PCDH15: variants seen among roughly 807,000 people sequenced by gnomAD.
PCDH15 encodes protocadherin-15.
In PCDH15, 129 loss-of-function variants were observed where a neutral mutation model predicts 178.5. That is an observed-to-expected ratio of 0.72 (90% CI 0.63 to 0.84). The LOEUF is 0.84. PCDH15 is among the 40% of genes least tolerant of loss of function. PCDH15 has a pLI of 0.00. For missense variants in PCDH15, 2,230 were observed against 2,099.9 expected (o/e 1.06, Z -1.21); for synonymous variants, 800 against 732.0 (o/e 1.09, Z -1.50).
In PCDH15 at chr10:53,988,146, T is replaced by C. The variant is rs138155799; in HGVS notation, c.2868+7503A>G. ...AAGCAATCAAAGCAGCTGCGGCAAC[T>C]CAATACCTATCATCTAGGGTCCTTC... On this transcript the variant is annotated intron_variant, in intron 21 of 37. Transcript: ENST00000644397. 6.5e-3 allele frequency among the ~76,000 whole-genome samples: 994 copies of C among 152,254 alleles called. 2 individuals are homozygous for C. The highest frequency in any genetic ancestry group is 9.5e-3 in the Non-Finnish European group (645 of 68,012).
rs961962762 is a variant in PCDH15, at chr10:53,806,732, G to C, written c.5070C>G (p.Asn1690Lys). 1 of 1,613,794 alleles carries C rather than the reference G, an allele frequency of 6.2e-7. No individual in the cohort carries two copies. The highest frequency in any genetic ancestry group is 1.1e-5 in the South Asian group (1 of 91,074). ...TDNTAVKPLRNRLKSTVEQES... is the reference protein window; with the variant it reads ...TDNTAVKPLRKRLKSTVEQES... ...CCTGTTCAACTGTGCTTTTCAGCCT[G>C]TTCCTTAGTGGCTTCACCGCTGTAT... The change falls in exon 38 of 38, where the codon AAC becomes AAG. Residue 1690 changes from asparagine to lysine, a missense_variant. Coordinates refer to ENST00000644397, the MANE Select transcript of PCDH15 (RefSeq NM_001384140.1).
intron 1 of PCDH15, among the ~76,000 whole-genome samples, chr10:55,183,726 C>T (rs1218939714): frequency 6.6e-6 from 1 of 151,476 alleles, no homozygotes; most frequent in Non-Finnish European, 1.5e-5. Flanking sequence ...CAGATGAATG[C>T]CTCCAGCAGA....
intron 17 of PCDH15, among the ~76,000 whole-genome samples, chr10:54,068,977 A>G (rs1362394376): frequency 6.6e-6 from 1 of 152,202 alleles, no homozygotes; most frequent in Non-Finnish European, 1.5e-5. Flanking sequence ...AGATCATTTC[A>G]TTTTCCTCGT....
At chr10:55,396,364 A>G (rs1202395941) in intron 2 of PCDH15, among the ~76,000 whole-genome samples, 2 of 152,210 alleles carry the variant, frequency 1.3e-5, no homozygotes, top group Non-Finnish European at 2.9e-5. Context: ...ACTATGTTTC[A>G]TGCTAGCCTG....
At chr10:55,203,213 T>TA (rs2132161093) in intron 1 of PCDH15, among the ~76,000 whole-genome samples, 1 of 152,206 alleles carries the variant, frequency 6.6e-6, no homozygotes, top group Admixed American at 6.5e-5. Flanking sequence ...GTCAGCTCTG[T>TA]AGGGCTTCTC....
chr10:54,647,364 A>T lies in PCDH15; in HGVS notation c.91+16808T>A, dbSNP rs186712343. On this transcript the variant is annotated intron_variant, in intron 2 of 37. Transcript: ENST00000644397. ...AATAGAATGGTGCCAGGGGTTGGAGAGTGGGAGAAGTGAGAATATGCTAAA... is the reference window on the plus strand; with the variant it reads ...AATAGAATGGTGCCAGGGGTTGGAGTGTGGGAGAAGTGAGAATATGCTAAA... 2.4e-3 allele frequency among the ~76,000 whole-genome samples: 362 copies of T among 152,162 alleles called. 2 individuals are homozygous for T. Among genetic ancestry groups the T allele is most frequent in the Middle Eastern group, 0.01 (3 of 294 alleles).
intron 2 of PCDH15, among the ~76,000 whole-genome samples, chr10:54,986,224 G>C (rs1269203988): frequency 6.6e-6 from 1 of 152,022 alleles, no homozygotes; most frequent in Non-Finnish European, 1.5e-5. Flanking sequence ...CGGGTACTAT[G>C]CAGGGGATAC....
intron 2 of PCDH15, among the ~76,000 whole-genome samples, chr10:55,527,354 G>A (rs1165023895): frequency 6.6e-6 from 1 of 151,900 alleles, no homozygotes; most frequent in African/African-American, 2.4e-5. Context: ...CCTTCTGGTG[G>A]GTCACTGGTG....
chr10:54,908,143 C>T (rs1312867873), intron 2 of PCDH15, among the ~76,000 whole-genome samples: 1 of 152,198 alleles, frequency 6.6e-6, no homozygotes, highest in Non-Finnish European at 1.5e-5. Flanking sequence ...ATAACTCAGC[C>T]TGGCAGGCTG....
intron 26 of PCDH15, among the ~76,000 whole-genome samples, chr10:53,881,261 A>C (rs888460324): frequency 2.0e-5 from 3 of 152,056 alleles, no homozygotes; most frequent in Non-Finnish European, 4.4e-5. Flanking sequence ...TAATGTGTAC[A>C]CCTGGACATA....
chr10:54,219,789 T>A (rs1200026505), intron 9 of PCDH15, among the ~76,000 whole-genome samples: 1 of 151,966 alleles, frequency 6.6e-6, no homozygotes. Context: ...TAATATTAAA[T>A]AAGGATTGTT....
chr10:54,599,335 A>G (rs2092412951), intron 2 of PCDH15, among the ~76,000 whole-genome samples: 1 of 152,010 alleles, frequency 6.6e-6, no homozygotes. Context: ...CAAAACAGAG[A>G]GTCAAGAAAT....
intron 32 of PCDH15, chr10:53,822,630 T>A: frequency 6.2e-7 from 1 of 1,614,048 alleles, no homozygotes; most frequent in Non-Finnish European, 8.5e-7. Context: ...AGGAGAAAGT[T>A]CCAAGGAACA....
intron 2 of PCDH15, among the ~76,000 whole-genome samples, chr10:55,586,936 T>C (rs1377912261): frequency 2.6e-5 from 4 of 152,132 alleles, no homozygotes; most frequent in Non-Finnish European, 4.4e-5. Context: ...ATTGGGTACA[T>C]AGGCATCCCT....
chr10:54,368,521 A>G (rs1947142074), intron 5 of PCDH15, among the ~76,000 whole-genome samples: 1 of 152,086 alleles, frequency 6.6e-6, no homozygotes, highest in African/African-American at 2.4e-5. Flanking sequence ...TTCTTCACTT[A>G]TGCACTTTAG....
intron 6 of PCDH15, among the ~76,000 whole-genome samples, chr10:54,340,932 T>C (rs1180726308): frequency 1.3e-5 from 2 of 152,112 alleles, no homozygotes; most frequent in Non-Finnish European, 2.9e-5. Flanking sequence ...CTAGTGAAAT[T>C]CTGCCATTTT....
chr10:53,818,419 G>A (rs562766553), intron 33 of PCDH15: 1 of 154,324 alleles, frequency 6.5e-6, no homozygotes, highest in South Asian at 2.1e-4. Flanking sequence ...CATGAAGAAT[G>A]TAATAAACAT....
At chr10:54,064,870 C>A (rs1565166210) in intron 18 of PCDH15, among the ~76,000 whole-genome samples, 1 of 152,220 alleles carries the variant, frequency 6.6e-6, no homozygotes, top group Non-Finnish European at 1.5e-5. Flanking sequence ...TCTGCAGCCA[C>A]AGCTGGGCAG....
At chr10:54,581,019 C>A (rs1180049815) in intron 2 of PCDH15, among the ~76,000 whole-genome samples, 1 of 151,992 alleles carries the variant, frequency 6.6e-6, no homozygotes, top group East Asian at 1.9e-4. Context: ...AAAGCGGGAT[C>A]AATCCCTTGA....
Sources: gnomAD v4.1 joint callset for allele counts (sites outside exome capture counted in the v4.1 genomes callset) on GRCh38, gnomAD v4.1.1 for gene constraint, MANE v1.5 for transcripts, NCBI Gene and HGNC (gene_info 2026-07-23, HGNC 2026-07-21) for gene names.